SPAG16: variants seen among roughly 807,000 people sequenced by gnomAD.
The protein encoded by SPAG16 is sperm associated antigen 16.
SPAG16 carries 86 observed loss-of-function variants against 80.4 expected under a neutral mutation model. The observed-to-expected ratio is 1.07, with a 90% CI of 0.90 to 1.28. The LOEUF (loss-of-function observed/expected upper bound fraction) is 1.28, where lower values mean the gene tolerates loss of function less well. Among genes scored for constraint, SPAG16 ranks in the 50% most tolerant of loss-of-function variants. SPAG16 has a pLI of 0.00. For synonymous variants in SPAG16, 294 were observed against 265.9 expected, an observed-to-expected ratio of 1.11 and a Z score of -1.03; for missense variants, 870 against 765.3, an observed-to-expected ratio of 1.14 and a Z score of -1.61.
At chr2:213,294,859 T>C (rs2062435046) in intron 1 of SPAG16, among the ~76,000 whole-genome samples, 1 of 152,204 alleles carries the variant, frequency 6.6e-6, no homozygotes, top group Non-Finnish European at 1.5e-5. Flanking sequence ...CCTAAACATC[T>C]GGGCTCTTTT....
intron 10 of SPAG16, among the ~76,000 whole-genome samples, chr2:213,824,926 A>G (rs1289764785): frequency 6.6e-6 from 1 of 151,644 alleles, no homozygotes; most frequent in Non-Finnish European, 1.5e-5. Context: ...TCTAGTTTTC[A>G]TTGTATATGT....
intron 15 of SPAG16, among the ~76,000 whole-genome samples, chr2:214,372,909 G>T (rs1699910484): frequency 6.6e-6 from 1 of 152,084 alleles, no homozygotes; most frequent in Non-Finnish European, 1.5e-5. Flanking sequence ...GTATTGAAAT[G>T]GAGCTATTCA....
intron 15 of SPAG16, among the ~76,000 whole-genome samples, chr2:214,167,974 CT>C (rs1225682395): frequency 1.4e-5 from 2 of 145,856 alleles, no homozygotes; most frequent in African/African-American, 2.5e-5. Flanking sequence ...TTTCTGTTTT[CT>C]TTTCTTTTTT....
chr2:213,644,056 C>T (rs1380696351), intron 10 of SPAG16, among the ~76,000 whole-genome samples: 1 of 151,314 alleles, frequency 6.6e-6, no homozygotes, highest in East Asian at 2.0e-4. Flanking sequence ...GCTGGGATTA[C>T]AGGCATGAGA....
intron 5 of SPAG16, among the ~76,000 whole-genome samples, chr2:213,337,158 G>T (rs2064406607): frequency 6.6e-6 from 1 of 152,058 alleles, no homozygotes. Flanking sequence ...ACTGCTAAAA[G>T]AAAAACAGAA....
At chr2:214,048,968 C>G (rs781729466) in intron 13 of SPAG16, among the ~76,000 whole-genome samples, 1 of 145,124 alleles carries the variant, frequency 6.9e-6, no homozygotes, top group African/African-American at 2.5e-5. Flanking sequence ...AACAGGGTCT[C>G]TCTGTTGCCC....
chr2:214,122,610 G>A (rs1296224719), intron 14 of SPAG16, among the ~76,000 whole-genome samples: 1 of 151,864 alleles, frequency 6.6e-6, no homozygotes, highest in Non-Finnish European at 1.5e-5. Context: ...AGGTCATACA[G>A]TGATTGATCC....
At chr2:214,067,839 C>A (rs1233355864) in intron 13 of SPAG16, among the ~76,000 whole-genome samples, 1 of 152,036 alleles carries the variant, frequency 6.6e-6, no homozygotes, top group Non-Finnish European at 1.5e-5. Context: ...CACCGTATTT[C>A]CACCAAGTCT....
intron 15 of SPAG16, among the ~76,000 whole-genome samples, chr2:214,297,060 C>T (rs1262852396): frequency 6.6e-6 from 1 of 152,178 alleles, no homozygotes; most frequent in Non-Finnish European, 1.5e-5. Flanking sequence ...AGCAGAACCA[C>T]AAGCCAAATA....
intron 15 of SPAG16, among the ~76,000 whole-genome samples, chr2:214,160,661 C>T (rs779860683): frequency 6.6e-6 from 1 of 151,834 alleles, no homozygotes; most frequent in Non-Finnish European, 1.5e-5. Flanking sequence ...CCTTGAAGAA[C>T]GTATATATAG....
rs1411561660 is a variant in SPAG16 at position 213,833,475 on chromosome 2, TA to T, written c.1071-29008del. 1.3e-3 allele frequency among the ~76,000 whole-genome samples: 7 copies of T among 5,312 alleles called. 1 individual carries two copies. The highest frequency in any genetic ancestry group is 1.9e-3 in the African/African-American group (5 of 2,634). The allele number at this position is 5,312 out of a possible 152,430, so 3.5% of individuals were successfully genotyped here. ...TATATTATATATATATTATATATAATAATATATATATTATATATAATATATA... is the reference window on the plus strand; with the variant it reads ...TATATTATATATATATTATATATAATATATATATATTATATATAATATATA... On this transcript the variant is annotated intron_variant, in intron 10 of 15. Transcript: ENST00000331683.
chr2:214,021,915 C>G (rs1274923232), intron 13 of SPAG16, among the ~76,000 whole-genome samples: 1 of 151,976 alleles, frequency 6.6e-6, no homozygotes, highest in Non-Finnish European at 1.5e-5. Context: ...AAAAAGCTTT[C>G]CCTTTACTAT....
At chr2:213,622,805 C>A (rs1366553741) in intron 10 of SPAG16, among the ~76,000 whole-genome samples, 1 of 151,218 alleles carries the variant, frequency 6.6e-6, no homozygotes, top group African/African-American at 2.4e-5. Context: ...AGGAGTGCCA[C>A]TTGGGCCTTG....
intron 15 of SPAG16, among the ~76,000 whole-genome samples, chr2:214,282,289 TAAA>T (rs1298817649): frequency 6.6e-6 from 1 of 152,010 alleles, no homozygotes; most frequent in African/African-American, 2.4e-5. Context: ...TAAAATTACT[TAAA>T]AAAGTGTTAT....
chr2:213,896,787 G>A (rs2077011514), intron 11 of SPAG16, among the ~76,000 whole-genome samples: 1 of 151,896 alleles, frequency 6.6e-6, no homozygotes, highest in Admixed American at 6.6e-5. Flanking sequence ...AATAAGCCTG[G>A]TACATGTTCT....
At chr2:213,443,899 A>G (rs1017022108) in intron 9 of SPAG16, among the ~76,000 whole-genome samples, 5 of 152,074 alleles carry the variant, frequency 3.3e-5, no homozygotes, top group African/African-American at 9.7e-5. Context: ...TCTCACTCCA[A>G]TTCAGGCTCC....
intron 15 of SPAG16, among the ~76,000 whole-genome samples, chr2:214,172,665 G>A (rs546070953): frequency 1.2e-4 from 18 of 152,152 alleles, no homozygotes; most frequent in Non-Finnish European, 1.2e-4. Flanking sequence ...AGATCCCTGA[G>A]GAATCGCCAC....
chr2:213,634,408 T>C (rs2062278160), intron 10 of SPAG16, among the ~76,000 whole-genome samples: 1 of 152,186 alleles, frequency 6.6e-6, no homozygotes, highest in Non-Finnish European at 1.5e-5. Flanking sequence ...TACTATTTTT[T>C]ATTGGTTCAT....
intron 15 of SPAG16, among the ~76,000 whole-genome samples, chr2:214,267,666 A>T (rs976087483): frequency 2.0e-5 from 3 of 151,912 alleles, no homozygotes; most frequent in African/African-American, 7.2e-5. Flanking sequence ...AAATGGAAAG[A>T]TATCCCACAA....
Sources: gnomAD v4.1 joint callset for allele counts (sites outside exome capture counted in the v4.1 genomes callset) on GRCh38, gnomAD v4.1.1 for gene constraint, MANE v1.5 for transcripts, NCBI Gene and HGNC (gene_info 2026-07-23, HGNC 2026-07-21) for gene names.